The following PSD3 variants were observed in gnomAD, a reference collection of about 807,000 sequenced individuals.
The protein encoded by PSD3 is pleckstrin and Sec7 domain containing 3.
In PSD3, 49 loss-of-function variants were observed where a neutral mutation model predicts 105.5. The observed-to-expected ratio is 0.46, with a 90% CI of 0.37 to 0.59. The LOEUF is 0.59. Among genes scored for constraint, PSD3 ranks in the 20% least tolerant of loss-of-function variants. The pLI is 0.00. For missense variants in PSD3, 1,561 were observed against 1,263.8 expected, an observed-to-expected ratio of 1.24 and a Z score of -3.57; for synonymous variants, 557 against 457.8, an observed-to-expected ratio of 1.22 and a Z score of -2.77.
chr8:18,715,861 A>G (rs985852891), intron 9 of PSD3, among the ~76,000 whole-genome samples: 1 of 152,258 alleles, frequency 6.6e-6, no homozygotes, highest in African/African-American at 2.4e-5. Context: ...AGTCCCTACT[A>G]TGTGACAGGC....
intron 9 of PSD3, among the ~76,000 whole-genome samples, chr8:18,681,280 A>G (rs777744728): frequency 2.0e-5 from 3 of 152,088 alleles, no homozygotes; most frequent in Non-Finnish European, 4.4e-5. Flanking sequence ...TGAAAGAGTC[A>G]GATAATCAAA....
At chr8:18,724,149 G>C (rs894301375) in intron 9 of PSD3, among the ~76,000 whole-genome samples, 1 of 152,164 alleles carries the variant, frequency 6.6e-6, no homozygotes, top group Non-Finnish European at 1.5e-5. Flanking sequence ...AAGCAGGTAG[G>C]GGTGGAAGAA....
chr8:18,912,332 A>G (rs1190270093), intron 2 of PSD3, among the ~76,000 whole-genome samples: 1 of 152,228 alleles, frequency 6.6e-6, no homozygotes, highest in Non-Finnish European at 1.5e-5. Context: ...TCCTTCAGGA[A>G]CAGCGCTTCA....
chr8:18,870,423 C>T (rs1040550365), intron 3 of PSD3, among the ~76,000 whole-genome samples: 1 of 152,048 alleles, frequency 6.6e-6, no homozygotes, highest in South Asian at 2.1e-4. Context: ...GGAAATACCA[C>T]ATGATGTCAA....
In PSD3 at chr8:18,917,927, G is replaced by C. The variant is rs759970292; in HGVS notation, c.130+18107C>G. 2.0e-5 allele frequency among the ~76,000 whole-genome samples: 3 copies of C among 152,196 alleles called. No homozygotes were observed. The East Asian group carries it at 5.8e-4, about 29-fold the overall frequency. On this transcript the variant is annotated intron_variant, in intron 2 of 15. Coordinates refer to ENST00000327040, the MANE Select transcript of PSD3 (RefSeq NM_015310.4). Reference sequence around the variant, plus strand: ...GGTGTGTGGGTGTGGGCAGGTGGGCGTGTGTGTTTATGTATTTATGTATCC... The same window carrying C: ...GGTGTGTGGGTGTGGGCAGGTGGGCCTGTGTGTTTATGTATTTATGTATCC...
chr8:19,051,258 G>A (rs530753474), intron 1 of PSD3, among the ~76,000 whole-genome samples: 20 of 120,550 alleles, frequency 1.7e-4, no homozygotes, highest in Non-Finnish European at 2.5e-4. Context: ...ACCAGCGCTC[G>A]TCCTTCAGTT....
chr8:19,047,043 C>A (rs776739639), intron 1 of PSD3, among the ~76,000 whole-genome samples: 3 of 151,680 alleles, frequency 2.0e-5, no homozygotes, highest in Admixed American at 6.6e-5. Context: ...AGTGTATCCT[C>A]TGCATATCCC....
At chr8:18,607,106 C>T (rs1468061892) in intron 11 of PSD3, among the ~76,000 whole-genome samples, 1 of 152,064 alleles carries the variant, frequency 6.6e-6, no homozygotes, top group Non-Finnish European at 1.5e-5. Context: ...GTGAGGTGGG[C>T]ACTGAAGGCA....
intron 2 of PSD3, among the ~76,000 whole-genome samples, chr8:18,911,019 G>A (rs1001817362): frequency 6.6e-6 from 1 of 152,034 alleles, no homozygotes; most frequent in Admixed American, 6.6e-5. Context: ...GGGGTGGAAG[G>A]ACTGCATTAG....
chr8:18,693,613 A>G (rs1801096515), intron 9 of PSD3, among the ~76,000 whole-genome samples: 1 of 152,190 alleles, frequency 6.6e-6, no homozygotes, highest in Admixed American at 6.5e-5. Context: ...GATGCTCTCA[A>G]AAAAGTGGCG....
At chr8:18,849,633 T>C (rs1304960036) in intron 4 of PSD3, 1 of 152,154 alleles carries the variant, frequency 6.6e-6, no homozygotes, top group Non-Finnish European at 1.5e-5. Context: ...CCAGATATCA[T>C]TCGGAGGCGC....
intron 9 of PSD3, among the ~76,000 whole-genome samples, chr8:18,754,330 G>C (rs1222373615): frequency 6.6e-6 from 1 of 152,154 alleles, no homozygotes; most frequent in Admixed American, 6.6e-5. Flanking sequence ...GTTGCGGTGA[G>C]CTGAGATCAC....
At chr8:18,750,665 G>C (rs192495821) in intron 9 of PSD3, among the ~76,000 whole-genome samples, 4 of 152,032 alleles carry the variant, frequency 2.6e-5, no homozygotes, top group South Asian at 2.1e-4. Context: ...TGGTAGAGCC[G>C]AGTGGCCTGT....
intron 9 of PSD3, among the ~76,000 whole-genome samples, chr8:18,720,199 C>T (rs565269489): frequency 6.6e-6 from 1 of 152,250 alleles, no homozygotes; most frequent in South Asian, 2.1e-4. Context: ...ACAAAAAACC[C>T]TCAAAGCTCC....
intron 9 of PSD3, among the ~76,000 whole-genome samples, chr8:18,674,392 G>A (rs1490457494): frequency 6.6e-6 from 1 of 152,050 alleles, no homozygotes; most frequent in East Asian, 1.9e-4. Flanking sequence ...TAGTGAACAC[G>A]TCTATCTGGT....
chr8:18,749,001 A>G (rs1464688258), intron 9 of PSD3, among the ~76,000 whole-genome samples: 1 of 152,244 alleles, frequency 6.6e-6, no homozygotes, highest in Admixed American at 6.5e-5. Flanking sequence ...AACGCTACTC[A>G]GTTCTTTCTA....
rs1697026147 is a variant in PSD3 at position 18,572,685 on chromosome 8, GAT to G, written c.2640-15_2640-14del. 2 of 1,613,038 alleles carry G rather than the reference GAT, an allele frequency of 1.2e-6. No individual in the cohort carries two copies. Among genetic ancestry groups the G allele is most frequent in the Non-Finnish European group, 1.7e-6 (2 of 1,179,332 alleles). On this transcript the variant is annotated splice_polypyrimidine_tract_variant and intron_variant, in intron 13 of 15. Transcript: ENST00000327040. The stretch of plus-strand genomic sequence containing the variant: ...TTCCTCTGGGCTCCTATGAGAAATA[GAT>G]ATGTTTATATCAGGATATTGCCATG...
chr8:19,028,284 C>G lies in PSD3; in HGVS notation c.324+55922G>C, dbSNP rs117012118. 8.6e-4 allele frequency among the ~76,000 whole-genome samples: 81 copies of G among 94,510 alleles called. 2 individuals carry two copies. The highest frequency in any genetic ancestry group is 5.6e-3 in the East Asian group (15 of 2,658). The allele number at this position is 94,510 out of a possible 152,430, so 62.0% of individuals were successfully genotyped here. ...TTTTGCCACCTCTCACACCACCCCCCCCCCCCGGCCCACCCTTTTTTTTTT... is the reference window on the plus strand; with the variant it reads ...TTTTGCCACCTCTCACACCACCCCCGCCCCCCGGCCCACCCTTTTTTTTTT... On this transcript the variant is annotated intron_variant, in intron 1 of 1. Transcript: ENST00000521475.
chr8:18,833,358 C>T (rs568159577), intron 4 of PSD3, among the ~76,000 whole-genome samples: 3 of 152,298 alleles, frequency 2.0e-5, no homozygotes, highest in South Asian at 2.1e-4. Context: ...ACTGACAGCA[C>T]CATCAAAACA....
Sources: gnomAD v4.1 joint callset for allele counts (sites outside exome capture counted in the v4.1 genomes callset) on GRCh38, gnomAD v4.1.1 for gene constraint, MANE v1.5 for transcripts, NCBI Gene and HGNC (gene_info 2026-07-23, HGNC 2026-07-21) for gene names.